Variants in ARFGEF3 observed in about 807,000 individuals in gnomAD.
ARFGEF3 encodes brefeldin A-inhibited guanine nucleotide-exchange protein 3.
Under a neutral mutation model 221.7 loss-of-function variants are expected in ARFGEF3, and 96 were observed. That is an observed-to-expected ratio of 0.43 (90% CI 0.37 to 0.51). The LOEUF (loss-of-function observed/expected upper bound fraction) is 0.51. Among genes scored for constraint, ARFGEF3 ranks in the 20% least tolerant of loss-of-function variants. The pLI is 0.00. For missense variants in ARFGEF3, 2,410 were observed against 2,789.9 expected (o/e 0.86, Z 3.07); for synonymous variants, 1,145 against 1,126.8 (o/e 1.02, Z -0.32).
rs977942135 is a variant in ARFGEF3 at position 138,340,497 on chromosome 6, A to G, written c.*4011A>G. On this transcript the variant is annotated 3_prime_UTR_variant, in exon 34 of 34. Coordinates refer to ENST00000251691, the MANE Select transcript of ARFGEF3 (RefSeq NM_020340.5). ...TCAGAAAGGAAAATCCATTAGTATC[A>G]GTCCCATCAAGCCAAACAGAATGAA... 1 of 152,232 alleles carries G rather than the reference A, an allele frequency of 6.6e-6. No individual in the cohort carries two copies. Among genetic ancestry groups the G allele is most frequent in the African/African-American group, 2.4e-5 (1 of 41,466 alleles). 9.4% of individuals were successfully genotyped at this position (152,232 alleles called of 1,614,324 possible).
chr6:138,316,357 C>T (rs916538406), intron 26 of ARFGEF3, among the ~76,000 whole-genome samples: 1 of 152,076 alleles, frequency 6.6e-6, no homozygotes, highest in Non-Finnish European at 1.5e-5. Context: ...TTTTCAAAGG[C>T]AAATAATTAC....
chr6:138,334,195 G>T lies in ARFGEF3; in HGVS notation c.5349G>T (p.Glu1783Asp). 1 of 1,613,916 alleles carries T rather than the reference G, an allele frequency of 6.2e-7. No homozygotes were observed. The highest frequency in any genetic ancestry group is 1.1e-5 in the South Asian group (1 of 91,066). ...LLLDSYRTAREFDTSPGLKCL... is the reference protein window; with the variant it reads ...LLLDSYRTARDFDTSPGLKCL... The stretch of plus-strand genomic sequence containing the variant: ...TGGACTCTTATAGGACTGCCAGGGA[G>T]TTTGACACCAGCCCCGGGCTGAAGT... The change falls in exon 33 of 34, where the codon GAG becomes GAT. Residue 1783 changes from glutamate to aspartate, a missense_variant. Coordinates refer to ENST00000251691, the MANE Select transcript of ARFGEF3 (RefSeq NM_020340.5). The surrounding 1 kb of genome is among the most constrained non-coding windows in gnomAD (Gnocchi z 5.1).
chr6:138,321,934 C>T (rs577365130), intron 29 of ARFGEF3, among the ~76,000 whole-genome samples: 79 of 152,194 alleles, frequency 5.2e-4, no homozygotes, highest in Non-Finnish European at 8.8e-4. Flanking sequence ...ACAATCATGG[C>T]GGAAGGCAAG....
Position 138,338,067 on chromosome 6 carries a change from T to C in ARFGEF3, c.*1581T>C, listed in dbSNP as rs1313765384. The C allele has an allele frequency of 6.6e-6, 1 of 152,238 alleles. No homozygotes were observed. The highest frequency in any genetic ancestry group is 2.4e-5 in the African/African-American group (1 of 41,474). 9.4% of individuals were successfully genotyped at this position (152,238 alleles called of 1,614,324 possible). ...AGGTGATCTGAAAAAAACACCCTTA[T>C]CATCCAGTGTACCATCTAGAGATCA... On this transcript the variant is annotated 3_prime_UTR_variant, in exon 34 of 34. Coordinates refer to ENST00000251691, the MANE Select transcript of ARFGEF3 (RefSeq NM_020340.5).
chr6:138,186,073 C>G (rs1366112841), intron 2 of ARFGEF3, among the ~76,000 whole-genome samples: 1 of 152,150 alleles, frequency 6.6e-6, no homozygotes, highest in African/African-American at 2.4e-5. Context: ...TTTAATTATT[C>G]TGTTTCTTCA....
intron 28 of ARFGEF3, among the ~76,000 whole-genome samples, 197 bp from the exon 29 acceptor site, chr6:138,320,914 C>T (rs1250417732): frequency 7.0e-6 from 1 of 143,250 alleles, no homozygotes; most frequent in Non-Finnish European, 1.5e-5. Context: ...GGGTAAAAAT[C>T]CAAGAAAATT....
chr6:138,219,319 C>T (rs1265515466), intron 4 of ARFGEF3, among the ~76,000 whole-genome samples: 1 of 152,078 alleles, frequency 6.6e-6, no homozygotes, highest in African/African-American at 2.4e-5. Flanking sequence ...GACGATGAGC[C>T]TGAAAGGGTG....
chr6:138,202,556 A>G (rs1225450914), intron 2 of ARFGEF3, among the ~76,000 whole-genome samples: 35 of 151,918 alleles, frequency 2.3e-4, no homozygotes, highest in Non-Finnish European at 2.9e-5. Flanking sequence ...GATACAGATT[A>G]TTATGGCCCT....
Position 138,254,506 on chromosome 6 carries a change from C to T in ARFGEF3, c.770+522C>T, listed in dbSNP as rs181275647. ...CTGCACTTTGGGAGACCTAGGTGGG[C>T]GGATCACAAGGTCAGGAGTTCAAGA... is the stretch of plus-strand genomic sequence containing the variant. On this transcript the variant is annotated intron_variant, in intron 9 of 33. Coordinates refer to ENST00000251691, the MANE Select transcript of ARFGEF3 (RefSeq NM_020340.5). 1.1e-3 allele frequency among the ~76,000 whole-genome samples: 172 copies of T among 151,732 alleles called. 1 individual carries two copies. Among genetic ancestry groups the T allele is most frequent in the African/African-American group, 4.0e-3 (164 of 41,356 alleles).
chr6:138,307,201 C>T (rs1271932382), intron 22 of ARFGEF3, 52 bp from the exon 23 acceptor site: 2 of 1,583,420 alleles, frequency 1.3e-6, no homozygotes. Flanking sequence ...CCCAGAAATT[C>T]TGCTCCTTTT....
chr6:138,180,813 A>G (rs1032277110), intron 2 of ARFGEF3, among the ~76,000 whole-genome samples: 1 of 152,246 alleles, frequency 6.6e-6, no homozygotes, highest in Non-Finnish European at 1.5e-5. Context: ...CAGGCTTGCC[A>G]TAAACAGGTG....
intron 2 of ARFGEF3, among the ~76,000 whole-genome samples, chr6:138,194,474 T>TAATAG (rs1442122599): frequency 6.6e-6 from 1 of 152,052 alleles, no homozygotes; most frequent in Non-Finnish European, 1.5e-5. Context: ...ATGAAAAAAA[T>TAATAG]CATTAAGTAA....
chr6:138,191,685 C>T (rs775110445), intron 2 of ARFGEF3, among the ~76,000 whole-genome samples: 1 of 152,164 alleles, frequency 6.6e-6, no homozygotes, highest in African/African-American at 2.4e-5. Flanking sequence ...CACTTAGATG[C>T]CCAAAGGCAC....
Position 138,292,060 on chromosome 6 carries a change from G to C in ARFGEF3, c.3368+7G>C, listed in dbSNP as rs904108472. ...TCTCCACGCAAGCCGACAGGTGCGC[G>C]GCGCCGGCCTCCCACGCCCCGGGAG... On this transcript the variant is annotated splice_region_variant and intron_variant, in intron 19 of 33. Coordinates refer to ENST00000251691, the MANE Select transcript of ARFGEF3 (RefSeq NM_020340.5). 5 of 1,411,392 alleles carry C rather than the reference G, an allele frequency of 3.5e-6. No individual in the cohort carries two copies. The African/African-American group carries it at 6.0e-5, about 17-fold the overall frequency. The allele number at this position is 1,411,392 out of a possible 1,614,324, so 87.4% of individuals were successfully genotyped here. A position where few individuals can be genotyped will look rare whatever the true frequency, so the allele number is the denominator to read the frequency against.
chr6:138,200,049 C>T (rs890951950), intron 2 of ARFGEF3, among the ~76,000 whole-genome samples: 2 of 152,010 alleles, frequency 1.3e-5, no homozygotes, highest in Non-Finnish European at 2.9e-5. Context: ...AGGTATGTCC[C>T]CTGTATGCCA....
chr6:138,206,957 TG>T lies in ARFGEF3; in HGVS notation c.138-80del. On this transcript the variant is annotated intron_variant, in intron 2 of 33. Coordinates refer to ENST00000251691, the MANE Select transcript of ARFGEF3 (RefSeq NM_020340.5). ...TTTTGTGTATGTGTGTAGTGGCATTTGGGGGTGGGTGTACATAAGGCTTACA... is the reference window on the plus strand; with the variant it reads ...TTTTGTGTATGTGTGTAGTGGCATTTGGGGTGGGTGTACATAAGGCTTACA... 1.1e-5 allele frequency: 11 copies of T among 961,700 alleles called. No homozygotes were observed. The South Asian group carries it at 1.4e-4, about 12-fold the overall frequency. 59.6% of individuals were successfully genotyped at this position (961,700 alleles called of 1,614,324 possible).
intron 2 of ARFGEF3, among the ~76,000 whole-genome samples, chr6:138,195,431 C>T (rs1777397859): frequency 6.6e-6 from 1 of 152,160 alleles, no homozygotes; most frequent in African/African-American, 2.4e-5. Flanking sequence ...AAAGTTCTTT[C>T]CAATCTCTCC....
intron 5 of ARFGEF3, among the ~76,000 whole-genome samples, chr6:138,235,224 G>A (rs1562362986): frequency 1.3e-5 from 2 of 152,022 alleles, no homozygotes; most frequent in Admixed American, 6.6e-5. Flanking sequence ...ATCATTAACC[G>A]TTTGTGTTTG....
In ARFGEF3 at chr6:138,308,851, C is replaced by G; in HGVS notation, c.4086C>G (p.Val1362=). ...ACATCATGTGCCTTATGAAGTTTGT[C>G]AAAGGACTGGGTAAGCAGAACCCTT... The part of the protein sequence containing the change: ...TSYIMCLMKF[V]KGLGEVDCKE... The change falls in exon 24 of 34, where the codon GTC becomes GTG. Residue 1362 remains valine (V), a synonymous_variant. Coordinates refer to ENST00000251691, the MANE Select transcript of ARFGEF3 (RefSeq NM_020340.5). 6.2e-7 allele frequency: 1 copy of G among 1,613,976 alleles called. No homozygotes were observed. Among genetic ancestry groups the G allele is most frequent in the Admixed American group, 1.7e-5 (1 of 60,022 alleles).
Sources: gnomAD v4.1 joint callset for allele counts (sites outside exome capture counted in the v4.1 genomes callset) on GRCh38, gnomAD v4.1.1 for gene constraint, Gnocchi (gnomAD v3.1) non-coding constraint, MANE v1.5 for transcripts, NCBI Gene and HGNC (gene_info 2026-07-23, HGNC 2026-07-21) for gene names.